EMC7: variants seen among roughly 807,000 people sequenced by gnomAD.
EMC7 encodes ER membrane protein complex subunit 7, also known as endoplasmic reticulum membrane protein complex subunit 7.
A neutral mutation model predicts 24.4 loss-of-function variants in EMC7; 4 were observed. That is an observed-to-expected ratio of 0.16 (90% CI 0.08 to 0.38). The LOEUF (loss-of-function observed/expected upper bound fraction) is 0.38. EMC7 is among the 10% of genes least tolerant of loss of function. The probability of loss-of-function intolerance (pLI) is 1.00; values close to 1 mark genes in which losing one functional copy is unlikely to be tolerated. For synonymous variants in EMC7, 106 were observed against 112.0 expected (o/e 0.95, Z 0.34); for missense variants, 221 against 300.6 (o/e 0.74, Z 1.96).
Position 34,096,009 on chromosome 15 carries a change from T to C in EMC7, c.242A>G (p.Asp81Gly), listed in dbSNP as rs910587341. 1 of 1,565,692 alleles carries C rather than the reference T, an allele frequency of 6.4e-7. No individual in the cohort carries two copies. Among genetic ancestry groups the C allele is most frequent in the South Asian group, 1.2e-5 (1 of 83,880 alleles). ...TATATCATGAACCACAAAACTCCCA[T>C]CTGTCCTGGAAAAATGAAAATCATG... The part of the protein sequence containing the change: ...GEEHVGFLKT[D>G]GSFVVHDIPS... The change falls in exon 2 of 5, where the codon GAT becomes GGT. Residue 81 changes from aspartate to glycine, a missense_variant. By Grantham distance (94) the Asp-to-Gly change is moderately conservative. Transcript: ENST00000256545.
At chr15:34,085,838 T>G (rs1016585514) in intron 4 of EMC7, 1 of 46,632 alleles carries the variant, frequency 2.1e-5, no homozygotes, top group Admixed American at 2.1e-4. Flanking sequence ...GAAGCTCCCC[T>G]TTTTTTTTTT....
intron 2 of EMC7, among the ~76,000 whole-genome samples, chr15:34,091,816 C>T (rs1900977540): frequency 6.6e-6 from 1 of 152,154 alleles, no homozygotes; most frequent in Admixed American, 6.6e-5. Context: ...TAGTTTATCC[C>T]CTAGGGATTT....
chr15:34,098,806 G>A (rs1490330306), intron 1 of EMC7, among the ~76,000 whole-genome samples: 1 of 150,736 alleles, frequency 6.6e-6, no homozygotes, highest in African/African-American at 2.4e-5. Flanking sequence ...TTCAGATCCA[G>A]AAAAAAACAA....
intron 1 of EMC7, among the ~76,000 whole-genome samples, chr15:34,101,379 C>A (rs1013369493): frequency 6.6e-6 from 1 of 152,178 alleles, no homozygotes; most frequent in African/African-American, 2.4e-5. Flanking sequence ...CATGCTCTGA[C>A]CATGGCAGGG....
intron 2 of EMC7, among the ~76,000 whole-genome samples, chr15:34,094,241 CA>C (rs35858029): frequency 0.99 from 149,005 of 150,752 alleles, 73,666 homozygotes; most frequent in Middle Eastern, 1. Flanking sequence ...CCCATCTCTA[CA>C]AAAAAATAAA....
intron 1 of EMC7, among the ~76,000 whole-genome samples, chr15:34,098,534 C>T (rs1901118912): frequency 6.7e-6 from 1 of 149,902 alleles, no homozygotes; most frequent in Non-Finnish European, 1.5e-5. Flanking sequence ...CTGCTCACTG[C>T]AACCTCCGCC....
chr15:34,099,319 TAAACAAAC>T (rs570150404), intron 1 of EMC7, among the ~76,000 whole-genome samples: 1 of 152,228 alleles, frequency 6.6e-6, no homozygotes, highest in South Asian at 2.1e-4. Flanking sequence ...TATTACTATG[TAAACAAAC>T]AAACAAACAA....
intron 3 of EMC7, among the ~76,000 whole-genome samples, chr15:34,089,287 A>C (rs1900940981): frequency 6.6e-6 from 1 of 152,238 alleles, no homozygotes; most frequent in South Asian, 2.1e-4. Flanking sequence ...TCACAATCAA[A>C]GAGTGGAATT....
chr15:34,093,806 C>CACACACACACATAT (rs61440619), intron 2 of EMC7, among the ~76,000 whole-genome samples: 4 of 30,250 alleles, frequency 1.3e-4, no homozygotes, highest in African/African-American at 3.5e-4. Flanking sequence ...CACACACACA[C>CACACACACACATAT]ATATATATAT....
At chr15:34,087,891 C>T (rs561641709) in intron 4 of EMC7, among the ~76,000 whole-genome samples, 162 bp downstream of exon 4, 3 of 152,020 alleles carry the variant, frequency 2.0e-5, no homozygotes, top group Non-Finnish European at 4.4e-5. Flanking sequence ...CATGGTGCCT[C>T]GGACCTATAA....
intron 4 of EMC7, among the ~76,000 whole-genome samples, chr15:34,084,753 T>TTA (rs929441923): frequency 2.0e-5 from 3 of 151,876 alleles, no homozygotes; most frequent in Non-Finnish European, 4.4e-5. Context: ...TTTTTTTTTT[T>TTA]TTATTATTAT....
At chr15:34,093,823 A>ATTTTTTTTTTTTTT (rs753095506) in intron 2 of EMC7, among the ~76,000 whole-genome samples, 5 of 48,704 alleles carry the variant, frequency 1.0e-4, no homozygotes, top group Non-Finnish European at 1.3e-4. Context: ...ATATATATAT[A>ATTTTTTTTTTTTTT]TTTTTTTTTT....
At chr15:34,100,518 A>C (rs1901156956) in intron 1 of EMC7, 1 of 152,234 alleles carries the variant, frequency 6.6e-6, no homozygotes, top group South Asian at 2.1e-4. Context: ...TCATTAAAAC[A>C]TCATTAATTA....
chr15:34,093,806 C>CACACACACATAT (rs61440619), intron 2 of EMC7, among the ~76,000 whole-genome samples: 7 of 30,246 alleles, frequency 2.3e-4, no homozygotes, highest in African/African-American at 6.1e-4. Flanking sequence ...CACACACACA[C>CACACACACATAT]ATATATATAT....
chr15:34,085,994 G>C (rs763254172), intron 4 of EMC7: 60 of 258,524 alleles, frequency 2.3e-4, no homozygotes, highest in Non-Finnish European at 3.8e-4. Context: ...TGGTTTTGTG[G>C]TTCTTGGAGG....
chr15:34,096,372 T>C (rs994305938), intron 1 of EMC7, among the ~76,000 whole-genome samples: 3 of 152,022 alleles, frequency 2.0e-5, no homozygotes, highest in Admixed American at 6.6e-5. Flanking sequence ...GGTTTCACCA[T>C]GTTGGCCAGG....
Position 34,084,235 on chromosome 15 carries a change from T to C in EMC7, c.*99A>G. ...CAGTTGTAAGAGATCAACGTCGGGA[T>C]GACTCAAGTTTATAGTAGTTGCTTC... On this transcript the variant is annotated 3_prime_UTR_variant, in exon 5 of 5. Coordinates refer to ENST00000256545, the MANE Select transcript of EMC7 (RefSeq NM_020154.3). 7.0e-7 allele frequency: 1 copy of C among 1,424,756 alleles called. No homozygotes were observed. The highest frequency in any genetic ancestry group is 9.5e-7 in the Non-Finnish European group (1 of 1,051,350). The allele number at this position is 1,424,756 out of a possible 1,614,324, so 88.3% of individuals were successfully genotyped here. A position where few individuals can be genotyped will look rare whatever the true frequency, so the allele number is the denominator to read the frequency against.
intron 3 of EMC7, among the ~76,000 whole-genome samples, chr15:34,090,079 T>C (rs1434686531): frequency 6.6e-6 from 1 of 152,254 alleles, no homozygotes; most frequent in Non-Finnish European, 1.5e-5. Context: ...ATGCTATAAA[T>C]ATTTATCCAA....
At chr15:34,098,418 C>A (rs917524139) in intron 1 of EMC7, among the ~76,000 whole-genome samples, 6 of 151,216 alleles carry the variant, frequency 4.0e-5, no homozygotes, top group African/African-American at 1.5e-4. Context: ...GCATCTTCTA[C>A]TTCTTAATGG....
Sources: allele counts gnomAD v4.1 joint callset (sites outside exome capture counted in the v4.1 genomes callset), GRCh38; gene constraint gnomAD v4.1.1; transcripts MANE v1.5; gene names NCBI Gene and HGNC (gene_info 2026-07-23, HGNC 2026-07-21).